SORL1: variants seen among roughly 807,000 people sequenced by gnomAD.
SORL1 encodes sortilin-related receptor.
In SORL1, 127 loss-of-function variants were observed where a neutral mutation model predicts 273.7. The observed-to-expected ratio is 0.46, with a 90% confidence interval of 0.40 to 0.54. The LOEUF (loss-of-function observed/expected upper bound fraction) is 0.54, where lower values mean the gene tolerates loss of function less well. SORL1 is among the 20% of genes least tolerant of loss of function. The pLI, the probability that SORL1 is intolerant of heterozygous loss-of-function variation, is 0.00. For missense variants in SORL1, 2,494 were observed against 2,846.1 expected, an observed-to-expected ratio of 0.88 and a Z score of 2.81; for synonymous variants, 1,031 against 1,067.4, an observed-to-expected ratio of 0.97 and a Z score of 0.66.
In SORL1 at chr11:121,629,792, A is replaced by G. The variant is rs1292931792; in HGVS notation, c.*229A>G. 7.4e-6 allele frequency: 4 copies of G among 540,392 alleles called. No individual in the cohort carries two copies. The highest frequency in any genetic ancestry group is 1.3e-5 in the Non-Finnish European group (4 of 305,960). 33.5% of individuals were successfully genotyped at this position (540,392 alleles called of 1,614,324 possible). A position where few individuals can be genotyped will look rare whatever the true frequency, so the allele number is the denominator to read the frequency against. ...TTAGTAACCCAATTGCTTTGATTTG[A>G]CATTAATGTAGTCTTACAGGGCTGT... On this transcript the variant is annotated 3_prime_UTR_variant, in exon 48 of 48. Transcript: ENST00000260197.
At chr11:121,460,741 G>T (rs186083239) in intron 1 of SORL1, among the ~76,000 whole-genome samples, 222 of 152,208 alleles carry the variant, frequency 1.5e-3, no homozygotes, top group Admixed American at 2.5e-3. Context: ...GGAAAGGCTG[G>T]TATGATCTGG....
At chr11:121,512,876 A>C in intron 6 of SORL1, 127 bp from the exon 7 acceptor site, 1 of 674,816 alleles carries the variant, frequency 1.5e-6, no homozygotes, top group Non-Finnish European at 2.6e-6. Context: ...ATGAATTTGC[A>C]ATCACAGTCT....
intron 17 of SORL1, 115 bp from the exon 18 acceptor site, chr11:121,555,072 A>G (rs1220037632): frequency 3.4e-6 from 4 of 1,159,662 alleles, no homozygotes; most frequent in Non-Finnish European, 3.6e-6. Context: ...AACGTAAAAC[A>G]TCTCATCCCT....
chr11:121,482,666 T>A (rs1861409977), intron 3 of SORL1, among the ~76,000 whole-genome samples: 1 of 152,262 alleles, frequency 6.6e-6, no homozygotes, highest in Non-Finnish European at 1.5e-5. Flanking sequence ...CAAGGCTGGA[T>A]GCCTTGCTGT....
chr11:121,582,289 CTG>C (rs1401240878), intron 25 of SORL1, among the ~76,000 whole-genome samples: 1 of 152,256 alleles, frequency 6.6e-6, no homozygotes, highest in Admixed American at 6.5e-5. Context: ...TTACTGCCAA[CTG>C]TCTCAGTTGA....
chr11:121,553,526 G>A (rs1862534858), intron 16 of SORL1, among the ~76,000 whole-genome samples: 1 of 152,180 alleles, frequency 6.6e-6, no homozygotes, highest in Admixed American at 6.5e-5. Flanking sequence ...GTGACTAATG[G>A]TCTCTCGTCA....
At chr11:121,455,397 A>T (rs141725607) in intron 1 of SORL1, among the ~76,000 whole-genome samples, 3 of 152,354 alleles carry the variant, frequency 2.0e-5, no homozygotes, top group Non-Finnish European at 2.9e-5. Context: ...GGCTGGAAGC[A>T]GAAGCTGCCT....
chr11:121,517,109 A>G (rs973195897), intron 8 of SORL1, among the ~76,000 whole-genome samples: 1 of 152,184 alleles, frequency 6.6e-6, no homozygotes, highest in African/African-American at 2.4e-5. Context: ...TAACTGTTTT[A>G]AAGTGGGCAA....
intron 14 of SORL1, among the ~76,000 whole-genome samples, chr11:121,549,420 T>G (rs1297033371): frequency 6.6e-6 from 1 of 152,016 alleles, no homozygotes; most frequent in Non-Finnish European, 1.5e-5. Flanking sequence ...AGAGACAGGG[T>G]CTTACCATGT....
Position 121,554,072 on chromosome 11 carries a change from G to C in SORL1, c.2402G>C (p.Cys801Ser). The change falls in exon 17 of 48, where the codon TGT (cysteine) becomes TCT (serine). Residue 801 changes from cysteine (C) to serine (S), a missense_variant. By Grantham distance (112) the Cys-to-Ser change is moderately radical. Transcript: ENST00000260197. This position sits in a 1 kb window ranked among gnomAD's most constrained non-coding sequence, Gnocchi z 4.6. ...CTGGACTTTGACTATGAGCACAACT[G>C]TTTGTATTGGTCCGACCTGGCCTTG... is the stretch of plus-strand genomic sequence containing the variant. ...VALDFDYEHN[C>S]LYWSDLALDV... 1 of 1,614,188 alleles carries C rather than the reference G, an allele frequency of 6.2e-7. No individual in the cohort carries two copies. Among genetic ancestry groups the C allele is most frequent in the South Asian group, 1.1e-5 (1 of 91,080 alleles).
At chr11:121,612,266 T>C (rs908619343) in intron 39 of SORL1, 3 of 152,706 alleles carry the variant, frequency 2.0e-5, no homozygotes, top group East Asian at 1.9e-4. Flanking sequence ...ATCAAATCTT[T>C]TTATGAGCTC....
At chr11:121,530,053 C>A (rs11501162) in intron 11 of SORL1, among the ~76,000 whole-genome samples, 1 of 152,056 alleles carries the variant, frequency 6.6e-6, no homozygotes, top group African/African-American at 2.4e-5. Context: ...TTGCACTTAA[C>A]GTAAAATTTA....
chr11:121,494,184 A>G (rs766486094), intron 5 of SORL1, among the ~76,000 whole-genome samples: 1 of 152,198 alleles, frequency 6.6e-6, no homozygotes, highest in Non-Finnish European at 1.5e-5. Context: ...ATCATATTGT[A>G]CCTTCTGCCT....
At chr11:121,547,705 C>T (rs887014185) in intron 14 of SORL1, among the ~76,000 whole-genome samples, 8 of 151,900 alleles carry the variant, frequency 5.3e-5, no homozygotes, top group Admixed American at 3.3e-4. Flanking sequence ...CAGCTGTTCC[C>T]CGCTCCACCC....
chr11:121,464,869 A>C lies in SORL1; in HGVS notation c.286-5138A>C, dbSNP rs568823893. On this transcript the variant is annotated intron_variant, in intron 1 of 47. Coordinates refer to ENST00000260197, the MANE Select transcript of SORL1 (RefSeq NM_003105.6). ...ACCCAGTCCACAGCCTGCCTCCTGTATGACTCATTCTAGCTGCATATTTTG... is the reference window on the plus strand; with the variant it reads ...ACCCAGTCCACAGCCTGCCTCCTGTCTGACTCATTCTAGCTGCATATTTTG... Among the ~76,000 whole-genome samples the C allele has an allele frequency of 2.0e-5, 3 of 152,270 alleles. No homozygotes were observed. The South Asian group carries it at 6.2e-4, about 32-fold the overall frequency.
intron 45 of SORL1, among the ~76,000 whole-genome samples, 193 bp downstream of exon 45, chr11:121,622,461 C>T (rs1455195271): frequency 6.6e-6 from 1 of 152,232 alleles, no homozygotes. Context: ...GCTTATACTG[C>T]CCGTTAAAGA....
At position 121,485,120 on chromosome 11, in the gene SORL1, G is replaced by C. The variant is rs566607974; in HGVS notation, c.529-2912G>C. On this transcript the variant is annotated intron_variant, in intron 3 of 47. Transcript: ENST00000260197. The stretch of plus-strand genomic sequence containing the variant: ...AGGATAAGCCAAAGTTAGCAGCAAA[G>C]GATGGAAGAAGAATGAGGTTATATG... Among the ~76,000 whole-genome samples the C allele has an allele frequency of 5.9e-5, 9 of 152,294 alleles. No individual in the cohort carries two copies. In the East Asian group the frequency reaches 1.7e-3, roughly 29 times the overall value.
chr11:121,477,017 C>T (rs1008075926), intron 2 of SORL1, among the ~76,000 whole-genome samples: 4 of 152,024 alleles, frequency 2.6e-5, no homozygotes, highest in African/African-American at 9.7e-5. Flanking sequence ...GTCTCAAACT[C>T]CTGGCCTCAA....
intron 11 of SORL1, among the ~76,000 whole-genome samples, chr11:121,526,506 A>T (rs1373496448): frequency 6.6e-6 from 1 of 152,040 alleles, no homozygotes; most frequent in Non-Finnish European, 1.5e-5. Context: ...ATCTGCTGGG[A>T]TTTTTATTAT....
Sources: allele counts gnomAD v4.1 joint callset (sites outside exome capture counted in the v4.1 genomes callset), GRCh38; gene constraint gnomAD v4.1.1; non-coding constraint Gnocchi (gnomAD v3.1); transcripts MANE v1.5; gene names NCBI Gene and HGNC (gene_info 2026-07-23, HGNC 2026-07-21).